The following CNTN5 variants were observed in gnomAD, a reference collection of about 807,000 sequenced individuals.
CNTN5 encodes contactin 5.
In CNTN5, 77 loss-of-function variants were observed where a neutral mutation model predicts 129.1. That is an observed-to-expected ratio of 0.60 (90% CI 0.50 to 0.72). The LOEUF is 0.72. Among genes scored for constraint, CNTN5 ranks in the 30% least tolerant of loss-of-function variants. The pLI is 0.00. For missense variants in CNTN5, 1,478 were observed against 1,328.8 expected, an observed-to-expected ratio of 1.11 and a Z score of -1.75; for synonymous variants, 509 against 465.6, an observed-to-expected ratio of 1.09 and a Z score of -1.20.
At chr11:99,682,987 A>G (rs149486624) in intron 3 of CNTN5, among the ~76,000 whole-genome samples, 119 of 152,000 alleles carry the variant, frequency 7.8e-4, no homozygotes, top group Non-Finnish European at 1.3e-3. Context: ...AACACTAACA[A>G]TAGTGTTGCC....
intron 1 of CNTN5, among the ~76,000 whole-genome samples, chr11:99,093,725 C>T (rs961554248): frequency 6.6e-6 from 1 of 151,882 alleles, no homozygotes; most frequent in Non-Finnish European, 1.5e-5. Context: ...GTTTATAGCC[C>T]TTTACATTTC....
At chr11:99,598,305 T>A (rs1950193939) in intron 3 of CNTN5, among the ~76,000 whole-genome samples, 1 of 45,836 alleles carries the variant, frequency 2.2e-5, no homozygotes, top group Non-Finnish European at 3.8e-5. Flanking sequence ...TTTTCTTTTC[T>A]TTTCTTTTCT....
intron 19 of CNTN5, 121 bp from the exon 20 acceptor site, chr11:100,299,041 A>T (rs1051543438): frequency 1.6e-6 from 1 of 635,274 alleles, no homozygotes; most frequent in Admixed American, 3.2e-5. Flanking sequence ...CCAATGTAGT[A>T]TAAAGATTTG....
intron 3 of CNTN5, among the ~76,000 whole-genome samples, chr11:99,718,710 A>G (rs1179896364): frequency 6.6e-6 from 1 of 152,106 alleles, no homozygotes. Flanking sequence ...AGAGAAAAAA[A>G]TTTTAGTCTC....
intron 2 of CNTN5, among the ~76,000 whole-genome samples, chr11:99,349,243 G>A (rs901725018): frequency 6.6e-6 from 1 of 152,102 alleles, no homozygotes; most frequent in Admixed American, 6.5e-5. Flanking sequence ...AAGCTTTCCT[G>A]GTGGAATTTA....
At chr11:99,821,669 A>T (rs1349575213) in intron 4 of CNTN5, among the ~76,000 whole-genome samples, 1 of 152,182 alleles carries the variant, frequency 6.6e-6, no homozygotes, top group Non-Finnish European at 1.5e-5. Flanking sequence ...CAACAAAATG[A>T]GAAGTAGTAA....
chr11:100,221,959 G>A (rs2138621235), intron 15 of CNTN5, among the ~76,000 whole-genome samples: 1 of 152,298 alleles, frequency 6.6e-6, no homozygotes, highest in East Asian at 1.9e-4. Flanking sequence ...AAATTGTGGA[G>A]GTTCTCTCTC....
At chr11:99,240,305 G>A (rs1046450678) in intron 1 of CNTN5, among the ~76,000 whole-genome samples, 3 of 152,100 alleles carry the variant, frequency 2.0e-5, no homozygotes, top group Admixed American at 6.5e-5. Flanking sequence ...TGTGTGCAAG[G>A]GAGAGTGAAC....
intron 21 of CNTN5, among the ~76,000 whole-genome samples, chr11:100,323,452 T>G (rs1293368854): frequency 6.6e-6 from 1 of 152,210 alleles, no homozygotes; most frequent in Non-Finnish European, 1.5e-5. Context: ...TGTTGCAGTT[T>G]CAGACTTTCA....
intron 8 of CNTN5, among the ~76,000 whole-genome samples, chr11:99,984,488 G>A (rs1208852255): frequency 6.6e-6 from 1 of 151,724 alleles, no homozygotes; most frequent in Non-Finnish European, 1.5e-5. Context: ...TGTGGTGATG[G>A]TGATGATTTT....
chr11:99,684,478 A>G (rs1326920048), intron 3 of CNTN5, among the ~76,000 whole-genome samples: 1 of 152,010 alleles, frequency 6.6e-6, no homozygotes, highest in African/African-American at 2.4e-5. Context: ...TCATTCATTC[A>G]TTCATGCCTT....
intron 1 of CNTN5, among the ~76,000 whole-genome samples, chr11:99,195,508 A>C (rs5011548): frequency 0.093 from 14,128 of 151,810 alleles, 889 homozygotes; most frequent in East Asian, 0.34. Context: ...AAGAGTAAGC[A>C]CCCTTCATTA....
At chr11:99,483,313 G>A (rs1945678140) in intron 2 of CNTN5, among the ~76,000 whole-genome samples, 1 of 151,846 alleles carries the variant, frequency 6.6e-6, no homozygotes, top group Middle Eastern at 3.2e-3. Flanking sequence ...TTTATACATT[G>A]CCATTCTTCG....
chr11:99,083,519 A>C (rs1865888928), intron 1 of CNTN5, among the ~76,000 whole-genome samples: 1 of 152,074 alleles, frequency 6.6e-6, no homozygotes, highest in South Asian at 2.1e-4. Flanking sequence ...CTTACTTCCT[A>C]ATTAGTGTAT....
intron 13 of CNTN5, among the ~76,000 whole-genome samples, chr11:100,128,943 A>G (rs1280537883): frequency 6.6e-6 from 1 of 152,126 alleles, no homozygotes; most frequent in African/African-American, 2.4e-5. Flanking sequence ...GTGTTCTGCA[A>G]TTATACATTA....
intron 1 of CNTN5, among the ~76,000 whole-genome samples, chr11:99,107,400 A>G (rs1187521051): frequency 6.6e-6 from 1 of 152,184 alleles, no homozygotes; most frequent in Admixed American, 6.5e-5. Context: ...TGAAAAATGT[A>G]TGGAGTATCT....
At chr11:100,103,179 T>C (rs557465021) in intron 13 of CNTN5, among the ~76,000 whole-genome samples, 94 of 152,314 alleles carry the variant, frequency 6.2e-4, no homozygotes, top group African/African-American at 2.0e-3. Context: ...TAGTAAATGT[T>C]AAAAATTAGT....
At chr11:99,786,770 A>G (rs556706158) in intron 3 of CNTN5, among the ~76,000 whole-genome samples, 1 of 152,344 alleles carries the variant, frequency 6.6e-6, no homozygotes, top group South Asian at 2.1e-4. Flanking sequence ...TTCCCTATTT[A>G]GTAAATGATG....
At chr11:99,296,900 T>C (rs543271435) in intron 1 of CNTN5, among the ~76,000 whole-genome samples, 317 of 152,240 alleles carry the variant, frequency 2.1e-3, no homozygotes, top group Middle Eastern at 0.01. Context: ...AAATTTAAGA[T>C]AGTGAATGGA....
Sources: gnomAD v4.1 joint callset for allele counts (sites outside exome capture counted in the v4.1 genomes callset) on GRCh38, gnomAD v4.1.1 for gene constraint, MANE v1.5 for transcripts, NCBI Gene and HGNC (gene_info 2026-07-23, HGNC 2026-07-21) for gene names.